PLPBP: variants seen among roughly 807,000 people sequenced by gnomAD.
The protein encoded by PLPBP is pyridoxal phosphate binding protein.
In PLPBP, 21 loss-of-function variants were observed where a neutral mutation model predicts 31.2. The ratio of observed to expected loss-of-function variants is 0.67; its 90% confidence interval spans 0.48 to 0.97. The LOEUF (loss-of-function observed/expected upper bound fraction) is 0.97, where lower values mean the gene tolerates loss of function less well. PLPBP is among the 50% of genes least tolerant of loss of function. The probability of loss-of-function intolerance (pLI) is 0.00; values close to 1 mark genes in which losing one functional copy is unlikely to be tolerated. For synonymous variants in PLPBP, 124 were observed against 135.6 expected (o/e 0.91, Z 0.59); for missense variants, 308 against 354.4 (o/e 0.87, Z 1.05).
intron 5 of PLPBP, among the ~76,000 whole-genome samples, chr8:37,774,717 A>G (rs1803857861): frequency 6.6e-6 from 1 of 152,230 alleles, no homozygotes; most frequent in Non-Finnish European, 1.5e-5. Context: ...TTATTGTATC[A>G]TTTCTTGATA....
chr8:37,765,970 T>C (rs1460678052), intron 3 of PLPBP, among the ~76,000 whole-genome samples: 1 of 152,116 alleles, frequency 6.6e-6, no homozygotes, highest in Non-Finnish European at 1.5e-5. Flanking sequence ...TGTTTGGAAA[T>C]GGTGGTTTCA....
Position 37,766,312 on chromosome 8 carries a change from C to T in PLPBP, c.276C>T (p.His92=). ...ILSLCPEIKW[H]FIGHLQKQNV... ...CTTTGTGTCCTGAGATCAAATGGCACTTCATTGGCCACCTACAGAAACAAA... is the reference window on the plus strand; with the variant it reads ...CTTTGTGTCCTGAGATCAAATGGCATTTCATTGGCCACCTACAGAAACAAA... Residue 92 remains histidine, a synonymous_variant, in exon 4 of 8, where the codon CAC becomes CAT. Coordinates refer to ENST00000328195, the MANE Select transcript of PLPBP (RefSeq NM_007198.4). The T allele has an allele frequency of 1.9e-6, 3 of 1,610,316 alleles. No homozygotes were observed. Among genetic ancestry groups the T allele is most frequent in the Non-Finnish European group, 2.5e-6 (3 of 1,178,440 alleles).
intron 5 of PLPBP, 155 bp from the exon 6 acceptor site, chr8:37,775,184 C>A: frequency 1.3e-6 from 1 of 759,802 alleles, no homozygotes; most frequent in South Asian, 2.0e-5. Context: ...CATAGAAAAC[C>A]CCAAGTATAA....
Position 37,778,018 on chromosome 8 carries a change from G to A in PLPBP, c.742G>A (p.Gly248Arg). The change falls in exon 8 of 8, where the codon GGA becomes AGA. Residue 248 changes from glycine (G) to arginine (R), a missense_variant. Physicochemically the swap from Gly to Arg is moderately radical, Grantham distance 125. This residue lies in a region of PLPBP where 188 missense variants were observed against 259.3 expected (regional missense o/e 0.73). Transcript: ENST00000328195. Reference sequence around the variant, plus strand: ...TGTCCGAATAGGAAGCACGATTTTTGGAGAGCGGGATTACTCAAAGAAACC... The same window carrying A: ...TGTCCGAATAGGAAGCACGATTTTTAGAGAGCGGGATTACTCAAAGAAACC... ...TNVRIGSTIF[G>R]ERDYSKKPTP... The A allele has an allele frequency of 1.2e-6, 2 of 1,613,656 alleles. No individual in the cohort carries two copies. The highest frequency in any genetic ancestry group is 1.7e-6 in the Non-Finnish European group (2 of 1,179,632).
upstream of PLPBP, chr8:37,762,638 G>C: frequency 1.3e-6 from 2 of 1,557,378 alleles, no homozygotes; most frequent in Non-Finnish European, 1.7e-6. Context: ...GGGGCCTGGG[G>C]CTCGGCGTCG....
intron 4 of PLPBP, among the ~76,000 whole-genome samples, chr8:37,768,715 C>T (rs892173357): frequency 3.3e-5 from 5 of 151,908 alleles, no homozygotes; most frequent in South Asian, 2.1e-4. Context: ...CCTCATGATC[C>T]GCCTGCCTTG....
intron 5 of PLPBP, among the ~76,000 whole-genome samples, chr8:37,774,729 T>A (rs1044738895): frequency 6.6e-6 from 1 of 152,232 alleles, no homozygotes; most frequent in African/African-American, 2.4e-5. Flanking sequence ...TTCTTGATAA[T>A]TAGCTATAAT....
chr8:37,763,020 A>G (rs543982282), intron 1 of PLPBP, among the ~76,000 whole-genome samples: 1 of 152,248 alleles, frequency 6.6e-6, no homozygotes, highest in Admixed American at 6.5e-5. Flanking sequence ...TGTCGTGGCC[A>G]CTTGCGCACC....
chr8:37,777,995 T>C lies in PLPBP; in HGVS notation c.719T>C (p.Val240Ala). ...QHAVEVGSTN[V>A]RIGSTIFGER... ...CAGGTTGAAGTAGGATCTACAAATG[T>C]CCGAATAGGAAGCACGATTTTTGGA... The change falls in exon 8 of 8, where the codon GTC (valine) becomes GCC (alanine). Residue 240 changes from valine (V) to alanine (A), a missense_variant. Coordinates refer to ENST00000328195, the MANE Select transcript of PLPBP (RefSeq NM_007198.4). 5 of 1,613,056 alleles carry C rather than the reference T, an allele frequency of 3.1e-6. No individual in the cohort carries two copies. Among genetic ancestry groups the C allele is most frequent in the Non-Finnish European group, 4.2e-6 (5 of 1,179,240 alleles).
chr8:37,766,726 G>A, intron 4 of PLPBP: 1 of 809,938 alleles, frequency 1.2e-6, no homozygotes, highest in Non-Finnish European at 1.5e-6. Context: ...AGTAAAGTAA[G>A]TATAGTAAAG....
intron 4 of PLPBP, chr8:37,766,621 A>T: frequency 9.1e-7 from 1 of 1,095,066 alleles, no homozygotes; most frequent in Non-Finnish European, 1.1e-6. Flanking sequence ...AAAAATTATA[A>T]AGAATTGTAG....
intron 4 of PLPBP, 26 bp from the exon 5 acceptor site, chr8:37,772,729 A>G (rs1803804770): frequency 6.2e-7 from 1 of 1,613,528 alleles, no homozygotes; most frequent in Non-Finnish European, 8.5e-7. Flanking sequence ...AATAAGGAAT[A>G]CTACTTTGCC....
chr8:37,763,987 C>T (rs1222650849), intron 1 of PLPBP, among the ~76,000 whole-genome samples: 2 of 150,620 alleles, frequency 1.3e-5, no homozygotes, highest in East Asian at 3.9e-4. Context: ...GTATAGTGGT[C>T]GTGAGAGGAT....
chr8:37,763,185 A>G (rs904632886), intron 1 of PLPBP, among the ~76,000 whole-genome samples: 3 of 152,132 alleles, frequency 2.0e-5, no homozygotes, highest in Non-Finnish European at 4.4e-5. Context: ...TAAGTGCCCA[A>G]GAAATGCCAG....
chr8:37,768,229 A>G (rs1803684383), intron 4 of PLPBP, among the ~76,000 whole-genome samples: 1 of 152,216 alleles, frequency 6.6e-6, no homozygotes, highest in African/African-American at 2.4e-5. Context: ...ATTTATAACT[A>G]TGTAAAAGCA....
At chr8:37,766,905 C>T (rs1280571563) in intron 4 of PLPBP, among the ~76,000 whole-genome samples, 2 of 151,608 alleles carry the variant, frequency 1.3e-5, no homozygotes, top group Non-Finnish European at 2.9e-5. Context: ...AATAGCTGAG[C>T]GTGGTGGTGC....
Position 37,778,144 on chromosome 8 carries a change from G to T in PLPBP, c.*40G>T. 6.2e-7 allele frequency: 1 copy of T among 1,601,058 alleles called. No homozygotes were observed. Among genetic ancestry groups the T allele is most frequent in the South Asian group, 1.1e-5 (1 of 90,532 alleles). On this transcript the variant is annotated 3_prime_UTR_variant, in exon 8 of 8. Coordinates refer to ENST00000328195, the MANE Select transcript of PLPBP (RefSeq NM_007198.4). ...AGAGCACTAACTATGCACTAACCTA[G>T]ATTTTCATTTCGATATTCCCTGTGT...
At chr8:37,762,961 G>T (rs1360240909) in intron 1 of PLPBP, among the ~76,000 whole-genome samples, 1 of 152,218 alleles carries the variant, frequency 6.6e-6, no homozygotes, top group Non-Finnish European at 1.5e-5. Context: ...GATTGGCTTC[G>T]TTGGAGCAGA....
Position 37,775,384 on chromosome 8 carries a change from A to G in PLPBP, c.500A>G (p.His167Arg), listed in dbSNP as rs1176820286. The change falls in exon 6 of 8, where the codon CAC (histidine) becomes CGC (arginine). Residue 167 changes from histidine to arginine, a missense_variant. His to Arg is a conservative substitution (Grantham distance 29, BLOSUM62 0). Transcript: ENST00000328195. ...TCAGAGACCATAGCCATCGTGGAGC[A>G]CATAAACGCCAAGTGTCCTAACCTG... ...PPSETIAIVEHINAKCPNLEF... is the reference protein window; with the variant it reads ...PPSETIAIVERINAKCPNLEF... 2 of 1,614,232 alleles carry G rather than the reference A, an allele frequency of 1.2e-6. No individual in the cohort carries two copies. Among genetic ancestry groups the G allele is most frequent in the Non-Finnish European group, 8.5e-7 (1 of 1,180,028 alleles).
Sources: allele counts gnomAD v4.1 joint callset (sites outside exome capture counted in the v4.1 genomes callset), GRCh38; gene constraint gnomAD v4.1.1; regional missense constraint gnomAD v4.1.1; transcripts MANE v1.5; gene names NCBI Gene and HGNC (gene_info 2026-07-23, HGNC 2026-07-21).